The following LAMP3 variants were observed in gnomAD, a reference collection of about 807,000 sequenced individuals.
LAMP3 encodes the protein lysosome associated membrane protein 3.
Under a neutral mutation model 34.8 loss-of-function variants are expected in LAMP3, and 26 were observed. That is an observed-to-expected ratio of 0.75 (90% CI 0.55 to 1.04). The LOEUF (loss-of-function observed/expected upper bound fraction) is 1.04, where lower values mean the gene tolerates loss of function less well. Among genes scored for constraint, LAMP3 ranks in the 50% least tolerant of loss-of-function variants. The pLI is 0.00. For missense variants in LAMP3, 495 were observed against 524.0 expected (o/e 0.94, Z 0.54); for synonymous variants, 180 against 201.9 (o/e 0.89, Z 0.92).
At chr3:183,128,417 T>G (rs969074411) in intron 5 of LAMP3, among the ~76,000 whole-genome samples, 1 of 152,202 alleles carries the variant, frequency 6.6e-6, no homozygotes, top group Non-Finnish European at 1.5e-5. Flanking sequence ...TAAACATACA[T>G]AGCATCCTCA....
At chr3:183,130,043 C>G (rs1395339201) in intron 5 of LAMP3, among the ~76,000 whole-genome samples, 1 of 152,098 alleles carries the variant, frequency 6.6e-6, no homozygotes, top group African/African-American at 2.4e-5. Flanking sequence ...GAGACCTTGA[C>G]CTTGAATTTC....
chr3:183,130,567 G>A (rs1300883078), intron 5 of LAMP3, among the ~76,000 whole-genome samples: 2 of 152,258 alleles, frequency 1.3e-5, no homozygotes, highest in African/African-American at 4.8e-5. Context: ...CGTGGCAGTC[G>A]AGATACTCCA....
chr3:183,130,103 G>C (rs1719870989), intron 5 of LAMP3, among the ~76,000 whole-genome samples: 1 of 150,628 alleles, frequency 6.6e-6, no homozygotes, highest in Non-Finnish European at 1.5e-5. Context: ...AAGGCATCCA[G>C]ACTGTGGTAT....
At chr3:183,135,661 A>G (rs1032765219) in intron 5 of LAMP3, 56 bp downstream of exon 5, 2 of 1,498,140 alleles carry the variant, frequency 1.3e-6, no homozygotes, top group Non-Finnish European at 1.8e-6. Flanking sequence ...AACACTTTGG[A>G]TCTACCCTGG....
In LAMP3 at chr3:183,162,726, C is replaced by A. The variant is rs1004048319; in HGVS notation, c.-71G>T. ...AGGCCCCGAATCGGTGCCAGAGAAA[C>A]CTACCTGTGCCGGAGAAACGAAACC... is the stretch of plus-strand genomic sequence containing the variant. On this transcript the variant is annotated 5_prime_UTR_variant, in exon 1 of 6. Transcript: ENST00000265598. The A allele has an allele frequency of 7.3e-6, 10 of 1,361,632 alleles. No individual in the cohort carries two copies. The highest frequency in any genetic ancestry group is 9.7e-6 in the Non-Finnish European group (10 of 1,033,952). The allele number at this position is 1,361,632 out of a possible 1,614,324, so 84.3% of individuals were successfully genotyped here.
At position 183,124,036 on chromosome 3, in the gene LAMP3, A is replaced by G. The variant is rs1428906844; in HGVS notation, c.*45T>C. Reference sequence around the variant, plus strand: ...CCAACATCCATCCTGGAAGGGATGAAAGAGTTCTCTAAATTCCATTATTTT... The same window carrying G: ...CCAACATCCATCCTGGAAGGGATGAGAGAGTTCTCTAAATTCCATTATTTT... On this transcript the variant is annotated 3_prime_UTR_variant, in exon 6 of 6. Coordinates refer to ENST00000265598, the MANE Select transcript of LAMP3 (RefSeq NM_014398.4). 1.9e-6 allele frequency: 3 copies of G among 1,610,508 alleles called. No individual in the cohort carries two copies.
intron 5 of LAMP3, among the ~76,000 whole-genome samples, chr3:183,126,563 T>TGTGTGTGTGTGCGC (rs1289493902): frequency 1.3e-5 from 2 of 149,056 alleles, no homozygotes; most frequent in African/African-American, 5.1e-5. Context: ...TGTGTGTGTG[T>TGTGTGTGTGTGCGC]GCACACGTGT....
rs1045298157 is a variant in LAMP3 at position 183,136,010 on chromosome 3, T to C, written c.947-123A>G. The stretch of plus-strand genomic sequence containing the variant: ...TCCTTCCGAGGGGCTTTCTGGGGGT[T>C]CTGCCACCTTCTCCCCATGAAAAAA... On this transcript the variant is annotated intron_variant, in intron 4 of 5. Transcript: ENST00000265598. 9.8e-5 allele frequency: 73 copies of C among 746,804 alleles called. No individual in the cohort carries two copies. In the East Asian group the frequency reaches 1.8e-3, roughly 18 times the overall value. The allele number at this position is 746,804 out of a possible 1,614,324, so 46.3% of individuals were successfully genotyped here.
In LAMP3 at chr3:183,124,202, G is replaced by A. The variant is rs187909317; in HGVS notation, c.1130C>T (p.Ser377Leu). ...AGGAAGCACAATTGTGTAGTCAGAC[G>A]AGCACTCATCCACTAAGAGAGAAAA... ...DDHFGNVDEC[S>L]SDYTIVLPVI... The change falls in exon 6 of 6, where the codon TCG becomes TTG. Residue 377 changes from serine to leucine, a missense_variant. Coordinates refer to ENST00000265598, the MANE Select transcript of LAMP3 (RefSeq NM_014398.4). 1.8e-5 allele frequency: 28 copies of A among 1,591,424 alleles called. No individual in the cohort carries two copies. In the Admixed American group the frequency reaches 2.0e-4, roughly 12 times the overall value.
intron 4 of LAMP3, among the ~76,000 whole-genome samples, chr3:183,136,108 G>A (rs1444046022): frequency 6.6e-6 from 1 of 152,144 alleles, no homozygotes; most frequent in African/African-American, 2.4e-5. Flanking sequence ...ACATAAACTG[G>A]AATGCGCAAA....
chr3:183,162,918 A>G (rs1049616837), upstream of LAMP3: 6 of 482,894 alleles, frequency 1.2e-5, no homozygotes, highest in African/African-American at 4.1e-5. Flanking sequence ...TGGTCCCGGC[A>G]GCGCCGGCCT....
intron 3 of LAMP3, among the ~76,000 whole-genome samples, chr3:183,151,157 T>C (rs1044127521): frequency 8.5e-5 from 13 of 152,330 alleles, no homozygotes; most frequent in African/African-American, 3.1e-4. Flanking sequence ...TAGATGTAAT[T>C]ATTTCCATTT....
At chr3:183,152,980 G>C (rs1720695636) in intron 2 of LAMP3, among the ~76,000 whole-genome samples, 1 of 152,034 alleles carries the variant, frequency 6.6e-6, no homozygotes, top group African/African-American at 2.4e-5. Flanking sequence ...TTCGAGACCA[G>C]CCTGGCCAAC....
chr3:183,162,212 T>C (rs528328197), intron 1 of LAMP3, among the ~76,000 whole-genome samples: 6 of 151,426 alleles, frequency 4.0e-5, no homozygotes, highest in African/African-American at 1.5e-4. Context: ...TCTTTGACAC[T>C]CTTCCTACAC....
At chr3:183,132,578 T>C in intron 5 of LAMP3, 4 of 985,376 alleles carry the variant, frequency 4.1e-6, no homozygotes, top group Non-Finnish European at 4.8e-6. Flanking sequence ...CACTGGTATA[T>C]TCAGGTATGG....
intron 3 of LAMP3, among the ~76,000 whole-genome samples, chr3:183,144,163 G>A (rs1445166665): frequency 1.3e-5 from 2 of 152,160 alleles, no homozygotes; most frequent in Non-Finnish European, 2.9e-5. Context: ...GCTTTGTTCT[G>A]GACATAGCAA....
chr3:183,149,205 G>A (rs1232005996), intron 3 of LAMP3, among the ~76,000 whole-genome samples: 5 of 151,938 alleles, frequency 3.3e-5, no homozygotes, highest in Non-Finnish European at 7.4e-5. Context: ...AAGGGTAATG[G>A]GTGGGGTGGG....
chr3:183,132,614 T>C lies in LAMP3; in HGVS notation c.1117+3103A>G, dbSNP rs560698787. Reference sequence around the variant, plus strand: ...CAGAGGGCATCAAGCACACCTGGCATGGCCTCCCCAAAGCAACAGGAGGAA... The same window carrying C: ...CAGAGGGCATCAAGCACACCTGGCACGGCCTCCCCAAAGCAACAGGAGGAA... On this transcript the variant is annotated intron_variant, in intron 5 of 5. Coordinates refer to ENST00000265598, the MANE Select transcript of LAMP3 (RefSeq NM_014398.4). 19 of 985,338 alleles carry C rather than the reference T, an allele frequency of 1.9e-5. No homozygotes were observed. In the East Asian group the frequency reaches 2.2e-3, roughly 112 times the overall value. 61.0% of individuals were successfully genotyped at this position (985,338 alleles called of 1,614,324 possible).
Position 183,140,609 on chromosome 3 carries a change from G to A in LAMP3, c.889-14C>T. 2 of 1,562,636 alleles carry A rather than the reference G, an allele frequency of 1.3e-6. No individual in the cohort carries two copies. Among genetic ancestry groups the A allele is most frequent in the South Asian group, 1.1e-5 (1 of 89,756 alleles). On this transcript the variant is annotated splice_polypyrimidine_tract_variant and intron_variant, in intron 3 of 5. Coordinates refer to ENST00000265598, the MANE Select transcript of LAMP3 (RefSeq NM_014398.4). ...TGATTCTTCATCCTGTAAAACAGTA[G>A]GGTGTTAACCTTTGGGTTATCTCTA... is the stretch of plus-strand genomic sequence containing the variant.
Sources: allele counts gnomAD v4.1 joint callset (sites outside exome capture counted in the v4.1 genomes callset), GRCh38; gene constraint gnomAD v4.1.1; transcripts MANE v1.5; gene names NCBI Gene and HGNC (gene_info 2026-07-23, HGNC 2026-07-21).